HS3ST2: variants seen among roughly 807,000 people sequenced by gnomAD.
HS3ST2 encodes the protein heparan sulfate-glucosamine 3-sulfotransferase 2, also known as heparan sulfate glucosamine 3-O-sulfotransferase 2.
Under a neutral mutation model 26.3 loss-of-function variants are expected in HS3ST2, and 17 were observed. The ratio of observed to expected loss-of-function variants is 0.65; its 90% CI spans 0.44 to 0.97. The LOEUF is 0.97. HS3ST2 is among the 50% of genes least tolerant of loss of function. The pLI is 0.00. For missense variants in HS3ST2, 402 were observed against 501.2 expected, an observed-to-expected ratio of 0.80 and a Z score of 1.89; for synonymous variants, 237 against 219.2, an observed-to-expected ratio of 1.08 and a Z score of -0.72.
Position 22,832,197 on chromosome 16 carries a change from G to T in HS3ST2, c.485+17102G>T, listed in dbSNP as rs1383749384. ...TTTTTAGTGGAGATAGGGTCTTTCT[G>T]TGTTGCCCAAGCTGGTTTCAAACTC... On this transcript the variant is annotated intron_variant, in intron 1 of 1. Transcript: ENST00000261374. 4.9e-5 allele frequency among the ~76,000 whole-genome samples: 7 copies of T among 142,688 alleles called. No individual in the cohort carries two copies. The East Asian group carries it at 1.2e-3, about 25-fold the overall frequency. 93.6% of individuals were successfully genotyped at this position (142,688 alleles called of 152,430 possible). A position where few individuals can be genotyped will look rare whatever the true frequency, so the allele number is the denominator to read the frequency against.
At chr16:22,832,347 T>A (rs1039832897) in intron 1 of HS3ST2, among the ~76,000 whole-genome samples, 3 of 152,062 alleles carry the variant, frequency 2.0e-5, no homozygotes, top group Admixed American at 6.6e-5. Context: ...TCCCTGATTA[T>A]AGAACTCAGC....
In HS3ST2 at chr16:22,822,715, C is replaced by T. The variant is rs112752430; in HGVS notation, c.485+7620C>T. Among the ~76,000 whole-genome samples the T allele has an allele frequency of 6.3e-4, 96 of 151,948 alleles. No individual in the cohort carries two copies. The South Asian group carries it at 0.012, about 18-fold the overall frequency. On this transcript the variant is annotated intron_variant, in intron 1 of 1. Transcript: ENST00000261374. ...CTAAAAATACAAAAAATTAGCTGGG[C>T]GTGGTGGCGTGCGCCTGTAGTCCCA...
At position 22,894,735 on chromosome 16, in the gene HS3ST2, T is replaced by TA. The variant is rs775796299; in HGVS notation, c.486-20192dup. ...GCAACATGGGTGAGACTCCGTCTCT[T>TA]AAAAAAAAAAAAAAAAAGGAGTTGG... On this transcript the variant is annotated intron_variant, in intron 1 of 1. Coordinates refer to ENST00000261374, the MANE Select transcript of HS3ST2 (RefSeq NM_006043.2). Among the ~76,000 whole-genome samples, 395 of 133,986 alleles carry TA rather than the reference T, an allele frequency of 2.9e-3. 5 individuals are homozygous for TA. The East Asian group carries it at 0.038, about 13-fold the overall frequency. 87.9% of individuals were successfully genotyped at this position (133,986 alleles called of 152,430 possible).
intron 1 of HS3ST2, among the ~76,000 whole-genome samples, chr16:22,913,885 C>T (rs992579727): frequency 1.1e-4 from 16 of 151,982 alleles, no homozygotes; most frequent in Non-Finnish European, 2.1e-4. Context: ...ACCTGTAATC[C>T]CAGCTGCTCA....
At chr16:22,876,338 T>G (rs1901916570) in intron 1 of HS3ST2, among the ~76,000 whole-genome samples, 1 of 151,604 alleles carries the variant, frequency 6.6e-6, no homozygotes, top group African/African-American at 2.4e-5. Context: ...GGCCAAGAAA[T>G]ATATGAAAAA....
chr16:22,874,713 C>T (rs959768535), intron 1 of HS3ST2, among the ~76,000 whole-genome samples: 3 of 152,228 alleles, frequency 2.0e-5, no homozygotes, highest in African/African-American at 7.2e-5. Context: ...CCTGGCATAC[C>T]TCCAGGCCCC....
At chr16:22,878,829 G>A (rs1051279154) in intron 1 of HS3ST2, among the ~76,000 whole-genome samples, 1 of 152,086 alleles carries the variant, frequency 6.6e-6, no homozygotes, top group African/African-American at 2.4e-5. Context: ...CTTCCATGCA[G>A]GGTGGATGGC....
At chr16:22,876,163 A>G (rs1330821183) in intron 1 of HS3ST2, among the ~76,000 whole-genome samples, 1 of 152,180 alleles carries the variant, frequency 6.6e-6, no homozygotes, top group Non-Finnish European at 1.5e-5. Context: ...GTCAGAGTCA[A>G]TGGCCATCAA....
intron 1 of HS3ST2, among the ~76,000 whole-genome samples, chr16:22,890,973 G>C (rs1309456427): frequency 6.6e-6 from 1 of 152,190 alleles, no homozygotes; most frequent in Non-Finnish European, 1.5e-5. Context: ...GCCAGAGTTT[G>C]CTGACATATT....
At chr16:22,815,362 C>T (rs1304724746) in intron 1 of HS3ST2, among the ~76,000 whole-genome samples, 1 of 152,182 alleles carries the variant, frequency 6.6e-6, no homozygotes, top group Non-Finnish European at 1.5e-5. Context: ...TAAGTGCCAG[C>T]TAAAGGGCTA....
chr16:22,825,127 A>G (rs1012909190), intron 1 of HS3ST2, among the ~76,000 whole-genome samples: 1 of 152,188 alleles, frequency 6.6e-6, no homozygotes, highest in Admixed American at 6.5e-5. Flanking sequence ...CAGAAGGAAT[A>G]CGTTGGAATC....
intron 1 of HS3ST2, among the ~76,000 whole-genome samples, chr16:22,899,299 T>C (rs1283140053): frequency 6.6e-6 from 1 of 152,150 alleles, no homozygotes; most frequent in East Asian, 1.9e-4. Context: ...AGGAAACGGC[T>C]GGGTTGACCG....
rs112609284 is a variant in HS3ST2 at position 22,838,379 on chromosome 16, G to A, written c.485+23284G>A. Among the ~76,000 whole-genome samples the A allele has an allele frequency of 3.7e-3, 563 of 152,228 alleles. 6 individuals carry two copies. Among genetic ancestry groups the A allele is most frequent in the African/African-American group, 0.013 (528 of 41,544 alleles). On this transcript the variant is annotated intron_variant, in intron 1 of 1. Transcript: ENST00000261374. ...AGTTGCACCTTTCAGATGCAAGCATGCCTGCCACACTGGATCAAAGAGGCT... is the reference window on the plus strand; with the variant it reads ...AGTTGCACCTTTCAGATGCAAGCATACCTGCCACACTGGATCAAAGAGGCT...
intron 1 of HS3ST2, among the ~76,000 whole-genome samples, chr16:22,879,262 G>T (rs1901956990): frequency 6.6e-6 from 1 of 152,204 alleles, no homozygotes; most frequent in Non-Finnish European, 1.5e-5. Context: ...TATTTCTTTG[G>T]ATTCCAACAG....
chr16:22,915,381 C>A lies in HS3ST2; in HGVS notation c.923C>A (p.Thr308Asn). The A allele has an allele frequency of 6.2e-7, 1 of 1,613,996 alleles. No homozygotes were observed. Among genetic ancestry groups the A allele is most frequent in the Non-Finnish European group, 8.5e-7 (1 of 1,179,982 alleles). ...ITDKHFYFNKTKGFPCLKKTE... is the reference protein window; with the variant it reads ...ITDKHFYFNKNKGFPCLKKTE... Reference sequence around the variant, plus strand: ...GACAAGCACTTCTATTTCAACAAGACCAAAGGATTCCCTTGCTTGAAAAAA... The same window carrying A: ...GACAAGCACTTCTATTTCAACAAGAACAAAGGATTCCCTTGCTTGAAAAAA... Residue 308 changes from threonine (T) to asparagine (N), a missense_variant, in exon 2 of 2, where the codon ACC becomes AAC. Transcript: ENST00000261374.
At chr16:22,858,851 T>C (rs1901638682) in intron 1 of HS3ST2, among the ~76,000 whole-genome samples, 1 of 152,186 alleles carries the variant, frequency 6.6e-6, no homozygotes, top group Admixed American at 6.6e-5. Flanking sequence ...GCTCAAAGTC[T>C]TACTGATCAG....
chr16:22,815,240 C>A (rs995442246), intron 1 of HS3ST2, 145 bp downstream of exon 1: 4 of 1,092,716 alleles, frequency 3.7e-6, no homozygotes, highest in African/African-American at 1.6e-5. Context: ...GGGGCTATAG[C>A]AGAATTTACC....
At chr16:22,849,843 G>C (rs1475170381) in intron 1 of HS3ST2, among the ~76,000 whole-genome samples, 1 of 152,166 alleles carries the variant, frequency 6.6e-6, no homozygotes, top group Non-Finnish European at 1.5e-5. Context: ...CAAAGGGACA[G>C]GATGATTTTG....
chr16:22,880,445 T>A (rs1901973132), intron 1 of HS3ST2, among the ~76,000 whole-genome samples: 1 of 152,138 alleles, frequency 6.6e-6, no homozygotes, highest in African/African-American at 2.4e-5. Context: ...AAATTAAAAT[T>A]AAAAACTGGG....
Sources: allele counts gnomAD v4.1 joint callset (sites outside exome capture counted in the v4.1 genomes callset), GRCh38; gene constraint gnomAD v4.1.1; transcripts MANE v1.5; gene names NCBI Gene and HGNC (gene_info 2026-07-23, HGNC 2026-07-21).